The following NLRP5 variants were observed in gnomAD, a reference collection of about 807,000 sequenced individuals.
NLRP5 encodes the protein NACHT, LRR and PYD domains-containing protein 5.
In NLRP5, 93 loss-of-function variants were observed where a neutral mutation model predicts 113.1. The observed-to-expected ratio is 0.82, with a 90% confidence interval of 0.70 to 0.98. NLRP5 has a LOEUF of 0.98. Among genes scored for constraint, NLRP5 ranks in the 50% least tolerant of loss-of-function variants. NLRP5 has a pLI of 0.00. For missense variants in NLRP5, 1,808 were observed against 1,514.3 expected, an observed-to-expected ratio of 1.19 and a Z score of -3.22; for synonymous variants, 751 against 600.7, an observed-to-expected ratio of 1.25 and a Z score of -3.66.
intron 6 of NLRP5, 68 bp downstream of exon 6, chr19:56,020,499 G>C (rs1982573815): frequency 1.3e-6 from 2 of 1,505,936 alleles, no homozygotes; most frequent in Non-Finnish European, 1.8e-6. Flanking sequence ...AGTGTAAGTA[G>C]TTTAGATTTC....
At chr19:56,013,607 T>TG (rs1555765404) in intron 3 of NLRP5, among the ~76,000 whole-genome samples, 1 of 138,798 alleles carries the variant, frequency 7.2e-6, no homozygotes, top group Non-Finnish European at 1.5e-5. Flanking sequence ...TTTTTTTTTT[T>TG]TTTTTTTTTT....
intron 7 of NLRP5, among the ~76,000 whole-genome samples, chr19:56,031,627 CAAAAA>C (rs36019339): frequency 1.5e-3 from 165 of 113,168 alleles, no homozygotes; most frequent in African/African-American, 5.2e-3. Flanking sequence ...ACTCCGTCTC[CAAAAA>C]AAAAAAAAAA....
chr19:56,042,129 C>G (rs1008358436), intron 11 of NLRP5, among the ~76,000 whole-genome samples: 1 of 152,174 alleles, frequency 6.6e-6, no homozygotes. Context: ...CATGCATGAC[C>G]AGGAAGGACT....
At chr19:56,024,584 T>TACACACACACACACACACAC (rs369128981) in intron 6 of NLRP5, among the ~76,000 whole-genome samples, 44 of 147,314 alleles carry the variant, frequency 3.0e-4, no homozygotes, top group African/African-American at 1.1e-3. Flanking sequence ...TATATATACA[T>TACACACACACACACACACAC]ACACACACAC....
At position 56,028,077 on chromosome 19, in the gene NLRP5, CAA is replaced by C; in HGVS notation, c.1846_1847del (p.Lys616GlufsTer6). On this transcript the variant is annotated frameshift_variant, in exon 7 of 15. Transcript: ENST00000390649. LOFTEE classifies it high-confidence loss of function. Reference sequence around the variant, plus strand: ...CTCTGCCCTCTGTACGTTGAGAAGACAAAGAGGTCCATGGAGCTTAAACAGGC... The same window carrying C: ...CTCTGCCCTCTGTACGTTGAGAAGACAGAGGTCCATGGAGCTTAAACAGGC... The C allele has an allele frequency of 6.2e-7, 1 of 1,614,030 alleles. No homozygotes were observed. Among genetic ancestry groups the C allele is most frequent in the Non-Finnish European group, 8.5e-7 (1 of 1,179,896 alleles).
intron 3 of NLRP5, among the ~76,000 whole-genome samples, chr19:56,013,341 T>C (rs1401888508): frequency 5.9e-5 from 9 of 152,124 alleles, no homozygotes; most frequent in East Asian, 1.9e-4. Context: ...TACAGGTGCC[T>C]ACCACTACAC....
chr19:56,061,317 G>A (rs1264445853), intron 14 of NLRP5, 79 bp from the exon 15 acceptor site: 1 of 1,512,974 alleles, frequency 6.6e-7, no homozygotes, highest in African/African-American at 1.4e-5. Context: ...GATCCTTGAT[G>A]AGGCTACCAG....
intron 9 of NLRP5, among the ~76,000 whole-genome samples, chr19:56,037,730 G>A (rs994844684): frequency 1.3e-5 from 2 of 151,254 alleles, no homozygotes; most frequent in Non-Finnish European, 2.9e-5. Flanking sequence ...GCTGGGGTGG[G>A]TTGCTATGAA....
chr19:56,055,537 CTTTT>C (rs1160965587), intron 13 of NLRP5, among the ~76,000 whole-genome samples: 17 of 76,458 alleles, frequency 2.2e-4, no homozygotes, highest in Non-Finnish European at 2.6e-4. Flanking sequence ...CTTTCTCTGT[CTTTT>C]TTTTTTTTTT....
intron 4 of NLRP5, among the ~76,000 whole-genome samples, chr19:56,018,993 A>C (rs61447834): frequency 0.027 from 4,101 of 152,058 alleles, 193 homozygotes; most frequent in African/African-American, 0.094. Context: ...ATGGGGTTTC[A>C]TCATATTGGT....
intron 11 of NLRP5, among the ~76,000 whole-genome samples, chr19:56,042,076 G>A (rs891926478): frequency 1.3e-5 from 2 of 152,180 alleles, no homozygotes; most frequent in Non-Finnish European, 2.9e-5. Flanking sequence ...TCCACTGGGA[G>A]CAACGTGTGT....
intron 9 of NLRP5, among the ~76,000 whole-genome samples, chr19:56,034,386 C>T (rs1983236186): frequency 1.3e-5 from 2 of 151,814 alleles, no homozygotes; most frequent in African/African-American, 4.8e-5. Context: ...AACTCTGTCT[C>T]AAAGGAAAAA....
rs770624516 is a variant in NLRP5 at position 56,030,714 on chromosome 19, CTTTTT to C, written c.2277-1883_2277-1879del. Among the ~76,000 whole-genome samples the C allele has an allele frequency of 2.4e-4, 17 of 71,350 alleles. 1 individual carries two copies. Among genetic ancestry groups the C allele is most frequent in the African/African-American group, 3.6e-4 (5 of 13,956 alleles). The allele number at this position is 71,350 out of a possible 152,430, so 46.8% of individuals were successfully genotyped here. On this transcript the variant is annotated intron_variant, in intron 7 of 14. Coordinates refer to ENST00000390649, the MANE Select transcript of NLRP5 (RefSeq NM_153447.4). ...ACTTACATTCATTCGCTTTCTTCTT[CTTTTT>C]TTTTTTTTTTTTTGAGACGGAGTCT...
At chr19:56,025,186 A>G (rs963715430) in intron 6 of NLRP5, among the ~76,000 whole-genome samples, 9 of 152,168 alleles carry the variant, frequency 5.9e-5, no homozygotes, top group Non-Finnish European at 7.3e-5. Context: ...TTCATTATAT[A>G]TTACAATGTA....
At position 56,027,940 on chromosome 19, in the gene NLRP5, C is replaced by A; in HGVS notation, c.1707C>A (p.Ile569=). 1 of 1,613,876 alleles carries A rather than the reference C, an allele frequency of 6.2e-7. No homozygotes were observed. The highest frequency in any genetic ancestry group is 8.5e-7 in the Non-Finnish European group (1 of 1,179,840). The change falls in exon 7 of 15, where the codon ATC becomes ATA. Residue 569 remains isoleucine (I), a synonymous_variant. Transcript: ENST00000390649. ...TCCGTGCTCTGTTTCACATGAACAT[C>A]CTTCTCCCAGACAGCCACTGTGAGG...
At chr19:56,020,849 G>A (rs2123294009) in intron 6 of NLRP5, among the ~76,000 whole-genome samples, 1 of 150,262 alleles carries the variant, frequency 6.7e-6, no homozygotes, top group South Asian at 2.1e-4. Context: ...ACAGTGGTAA[G>A]AAAAACATGT....
chr19:56,046,581 C>A (rs1983735939), intron 11 of NLRP5, among the ~76,000 whole-genome samples: 1 of 152,026 alleles, frequency 6.6e-6, no homozygotes, highest in South Asian at 2.1e-4. Flanking sequence ...CACTCTGTCG[C>A]CCAGGCTGGA....
chr19:56,037,101 T>C (rs999206666), intron 9 of NLRP5, among the ~76,000 whole-genome samples: 3 of 152,180 alleles, frequency 2.0e-5, no homozygotes, highest in African/African-American at 7.2e-5. Context: ...TTCCAGGGCA[T>C]AAACTGAGTT....
Position 56,053,776 on chromosome 19 carries a change from G to A in NLRP5, c.3267G>A (p.Leu1089=), listed in dbSNP as rs1017589449. The change falls in exon 13 of 15, where the codon CTG becomes CTA. Residue 1089 remains leucine (L), a synonymous_variant. Coordinates refer to ENST00000390649, the MANE Select transcript of NLRP5 (RefSeq NM_153447.4). ...GGGTTGCTGCGCTGTGCGAGGGACTGAAGCAAAAGAACAGTGTTCTGGCGA... is the reference window on the plus strand; with the variant it reads ...GGGTTGCTGCGCTGTGCGAGGGACTAAAGCAAAAGAACAGTGTTCTGGCGA... 1 of 1,613,926 alleles carries A rather than the reference G, an allele frequency of 6.2e-7. No homozygotes were observed. Among genetic ancestry groups the A allele is most frequent in the Non-Finnish European group, 8.5e-7 (1 of 1,179,860 alleles).
Sources: gnomAD v4.1 joint callset for allele counts (sites outside exome capture counted in the v4.1 genomes callset) on GRCh38, gnomAD v4.1.1 for gene constraint, MANE v1.5 for transcripts, NCBI Gene and HGNC (gene_info 2026-07-23, HGNC 2026-07-21) for gene names.